ASB1: variants seen among roughly 807,000 people sequenced by gnomAD.
ASB1 encodes ankyrin repeat and SOCS box protein 1.
In ASB1, 18 loss-of-function variants were observed where a neutral mutation model predicts 27.7. That is an observed-to-expected ratio of 0.65 (90% confidence interval 0.45 to 0.96). The LOEUF (loss-of-function observed/expected upper bound fraction) is 0.96. Among genes scored for constraint, ASB1 ranks in the 50% least tolerant of loss-of-function variants. ASB1 has a pLI of 0.00. For missense variants in ASB1, 397 were observed against 451.7 expected (o/e 0.88, Z 1.10); for synonymous variants, 189 against 187.6 (o/e 1.01, Z -0.06).
chr2:238,430,093 G>A (rs1701839550), intron 1 of ASB1, among the ~76,000 whole-genome samples: 2 of 152,200 alleles, frequency 1.3e-5, no homozygotes, highest in Admixed American at 1.3e-4. Flanking sequence ...CTCCAGTATT[G>A]ATGGCTCCTG....
intron 4 of ASB1, among the ~76,000 whole-genome samples, chr2:238,446,156 GTT>G (rs1345652028): frequency 6.6e-6 from 1 of 152,222 alleles, no homozygotes; most frequent in East Asian, 1.9e-4. Context: ...GGCTGGAAAG[GTT>G]TCGCTCTTTC....
intron 1 of ASB1, among the ~76,000 whole-genome samples, chr2:238,429,472 G>A (rs961005679): frequency 2.6e-5 from 4 of 152,060 alleles, no homozygotes; most frequent in Non-Finnish European, 4.4e-5. Flanking sequence ...TTCCATTCTC[G>A]CTGATTGTGA....
At chr2:238,437,214 A>G (rs926389152) in intron 3 of ASB1, among the ~76,000 whole-genome samples, 2 of 151,652 alleles carry the variant, frequency 1.3e-5, no homozygotes, top group African/African-American at 2.4e-5. Context: ...CTTCCATTAT[A>G]CTAGGTTTAC....
At position 238,450,222 on chromosome 2, in the gene ASB1, C is replaced by A. The variant is rs1702256723; in HGVS notation, c.*3711C>A. Reference sequence around the variant, plus strand: ...CCCCGATGGGCCAGAGTCCTTGTGGCCCACAGCATAGCACTGGGGACAGAG... The same window carrying A: ...CCCCGATGGGCCAGAGTCCTTGTGGACCACAGCATAGCACTGGGGACAGAG... On this transcript the variant is annotated 3_prime_UTR_variant, in exon 5 of 5. Coordinates refer to ENST00000264607, the MANE Select transcript of ASB1 (RefSeq NM_001040445.3). 1 of 152,238 alleles carries A rather than the reference C, an allele frequency of 6.6e-6. No individual in the cohort carries two copies. Among genetic ancestry groups the A allele is most frequent in the Admixed American group, 6.5e-5 (1 of 15,284 alleles). The allele number at this position is 152,238 out of a possible 1,614,324, so 9.4% of individuals were successfully genotyped here. A position where few individuals can be genotyped will look rare whatever the true frequency, so the allele number is the denominator to read the frequency against.
chr2:238,445,441 G>A (rs111543522), intron 4 of ASB1, among the ~76,000 whole-genome samples: 1 of 152,110 alleles, frequency 6.6e-6, no homozygotes, highest in Non-Finnish European at 1.5e-5. Context: ...CTCAAGTATC[G>A]CTACTTTGGA....
chr2:238,435,463 G>A (rs1251203722), intron 2 of ASB1, among the ~76,000 whole-genome samples: 1 of 152,254 alleles, frequency 6.6e-6, no homozygotes. Context: ...AGAGATCTTA[G>A]TTTTGGTGCT....
rs538111498 is a variant in ASB1, at chr2:238,427,413, T to C, written c.49+294T>C. ...CCCGTTAGCCGATACAGATTTGATA[T>C]GACCCAACCGCAAAAGTAGGACGTG... On this transcript the variant is annotated intron_variant, in intron 1 of 4. Transcript: ENST00000264607. 129 of 321,698 alleles carry C rather than the reference T, an allele frequency of 4.0e-4. 1 individual carries two copies. In the East Asian group the frequency reaches 6.1e-3, roughly 15 times the overall value. The allele number at this position is 321,698 out of a possible 1,614,324, so 19.9% of individuals were successfully genotyped here. A position where few individuals can be genotyped will look rare whatever the true frequency, so the allele number is the denominator to read the frequency against.
At chr2:238,442,942 CT>C (rs1702107283) in intron 3 of ASB1, among the ~76,000 whole-genome samples, 2 of 152,112 alleles carry the variant, frequency 1.3e-5, no homozygotes, top group East Asian at 3.9e-4. Flanking sequence ...TATTTTTAGC[CT>C]TTATAATAAA....
intron 3 of ASB1, among the ~76,000 whole-genome samples, chr2:238,439,753 A>G (rs1467495352): frequency 1.3e-5 from 2 of 152,158 alleles, no homozygotes; most frequent in African/African-American, 2.4e-5. Context: ...CCCTCTTATC[A>G]GGCTGCGTGT....
At chr2:238,434,369 T>C (rs1465227700) in intron 2 of ASB1, among the ~76,000 whole-genome samples, 2 of 152,214 alleles carry the variant, frequency 1.3e-5, no homozygotes, top group African/African-American at 2.4e-5. Context: ...TCTGCGGGTC[T>C]AAGGTTGCAG....
At chr2:238,440,550 A>G (rs973389211) in intron 3 of ASB1, among the ~76,000 whole-genome samples, 1 of 151,994 alleles carries the variant, frequency 6.6e-6, no homozygotes, top group Non-Finnish European at 1.5e-5. Flanking sequence ...CTTCCCATAC[A>G]TGGCTCCTGA....
intron 3 of ASB1, among the ~76,000 whole-genome samples, chr2:238,438,221 A>T (rs1702009879): frequency 2.7e-4 from 2 of 7,532 alleles, no homozygotes; most frequent in African/African-American, 1.2e-3. Context: ...TTTTTTTGAG[A>T]CGGAGTCTCA....
In ASB1 at chr2:238,437,224, C is replaced by T. The variant is rs1362114052; in HGVS notation, c.494+1211C>T. The stretch of plus-strand genomic sequence containing the variant: ...TTCCTCTTCCATTATACTAGGTTTA[C>T]AGTCTTATTTTATTTTATTTTTTTT... On this transcript the variant is annotated intron_variant, in intron 3 of 4. Transcript: ENST00000264607. Among the ~76,000 whole-genome samples, 3 of 151,768 alleles carry T rather than the reference C, an allele frequency of 2.0e-5. No homozygotes were observed. The East Asian group carries it at 5.8e-4, about 29-fold the overall frequency.
intron 3 of ASB1, among the ~76,000 whole-genome samples, chr2:238,436,929 CCTG>C (rs1448501474): frequency 2.0e-5 from 3 of 152,074 alleles, no homozygotes; most frequent in South Asian, 2.1e-4. Flanking sequence ...CATAAAAGTT[CCTG>C]CTTACATATT....
chr2:238,444,679 A>G lies in ASB1; in HGVS notation c.832A>G (p.Arg278Gly). ...WESLGPESRG[R>G]RKVDPEALQV... ...ATCGCTGGGCCCAGAGTCGAGAGGA[A>G]GAAGAAAAGTGGACCCTGAGGCCTT... is the stretch of plus-strand genomic sequence containing the variant. The change falls in exon 4 of 5, where the codon AGA becomes GGA. Residue 278 changes from arginine to glycine, a missense_variant. Physicochemically the swap from Arg to Gly is moderately radical, Grantham distance 125 (BLOSUM62 -2). Coordinates refer to ENST00000264607, the MANE Select transcript of ASB1 (RefSeq NM_001040445.3). The G allele has an allele frequency of 6.2e-7, 1 of 1,614,120 alleles. No homozygotes were observed. The highest frequency in any genetic ancestry group is 2.2e-5 in the East Asian group (1 of 44,880).
At chr2:238,427,698 C>T (rs1701787300) in intron 1 of ASB1, 1 of 152,422 alleles carries the variant, frequency 6.6e-6, no homozygotes, top group Non-Finnish European at 1.5e-5. Flanking sequence ...ACCCACCTTC[C>T]AAAATAACTG....
Position 238,451,123 on chromosome 2 carries a change from C to A in ASB1, c.*4612C>A, listed in dbSNP as rs1575012325. 6.8e-6 allele frequency: 1 copy of A among 147,720 alleles called. No homozygotes were observed. The highest frequency in any genetic ancestry group is 2.4e-5 in the African/African-American group (1 of 41,060). The allele number at this position is 147,720 out of a possible 1,614,324, so 9.2% of individuals were successfully genotyped here. On this transcript the variant is annotated 3_prime_UTR_variant, in exon 5 of 5. Coordinates refer to ENST00000264607, the MANE Select transcript of ASB1 (RefSeq NM_001040445.3). ...ACAGTTTAGATGTGTACATGATGCACGTGGGTGGGATTCACATCCCAGGAG... is the reference window on the plus strand; with the variant it reads ...ACAGTTTAGATGTGTACATGATGCAAGTGGGTGGGATTCACATCCCAGGAG...
intron 3 of ASB1, among the ~76,000 whole-genome samples, chr2:238,443,686 G>A (rs906357154): frequency 6.6e-6 from 1 of 150,728 alleles, no homozygotes; most frequent in East Asian, 1.9e-4. Context: ...ATCACTTTCT[G>A]TTTTCTTGAG....
chr2:238,439,674 G>A (rs113661857), intron 3 of ASB1, among the ~76,000 whole-genome samples: 3,094 of 152,266 alleles, frequency 0.02, 102 homozygotes, highest in African/African-American at 0.071. Flanking sequence ...CAACTCTAAT[G>A]TTGACTCAGA....
Sources: gnomAD v4.1 joint callset for allele counts (sites outside exome capture counted in the v4.1 genomes callset) on GRCh38, gnomAD v4.1.1 for gene constraint, MANE v1.5 for transcripts, NCBI Gene and HGNC (gene_info 2026-07-23, HGNC 2026-07-21) for gene names.